SCAF1: variants seen among roughly 807,000 people sequenced by gnomAD.
SCAF1 encodes SR-related CTD associated factor 1, also known as splicing factor, arginine/serine-rich 19.
In SCAF1, 28 loss-of-function variants were observed where a neutral mutation model predicts 91.2. The observed-to-expected ratio is 0.31, with a 90% CI of 0.23 to 0.42. The LOEUF is 0.42. Ranked by LOEUF, SCAF1 falls within the 10% of genes least tolerant of loss-of-function variation. The probability of loss-of-function intolerance (pLI) is 1.00; values close to 1 mark genes in which losing one functional copy is unlikely to be tolerated. For synonymous variants in SCAF1, 1,036 were observed against 833.7 expected (o/e 1.24, Z -4.18); for missense variants, 1,893 against 1,872.1 (o/e 1.01, Z -0.21).
chr19:49,650,859 C>A lies in SCAF1; in HGVS notation c.479-9C>A. On this transcript the variant is annotated splice_polypyrimidine_tract_variant and intron_variant, in intron 6 of 10. Transcript: ENST00000360565. ...CCCTGACCGCCTCTCTCTCCCTGTT[C>A]CTTTGCAGTTTCTCCACAGTCGAAC... 1 of 1,604,898 alleles carries A rather than the reference C, an allele frequency of 6.2e-7. No individual in the cohort carries two copies. Among genetic ancestry groups the A allele is most frequent in the Non-Finnish European group, 8.5e-7 (1 of 1,175,134 alleles).
At chr19:49,654,243 C>A in intron 7 of SCAF1, 106 bp from the exon 8 acceptor site, 1 of 949,968 alleles carries the variant, frequency 1.1e-6, no homozygotes, top group Non-Finnish European at 1.6e-6. Flanking sequence ...TGTGGCTGTT[C>A]TGGGGCCAAG....
Position 49,652,393 on chromosome 19 carries a change from G to A in SCAF1, c.2004G>A (p.Pro668=), listed in dbSNP as rs2081102794. Residue 668 remains proline (P), a synonymous_variant, in exon 7 of 11, where the codon CCG becomes CCA. Transcript: ENST00000360565. The part of the protein sequence containing the change: ...GSEKAPAPAP[P]PSGSTSCGDR... The stretch of plus-strand genomic sequence containing the variant: ...AGAAGGCCCCGGCGCCCGCCCCGCC[G>A]CCCTCTGGCTCCACCTCGTGTGGTG... 3 of 1,573,644 alleles carry A rather than the reference G, an allele frequency of 1.9e-6. No homozygotes were observed. The highest frequency in any genetic ancestry group is 1.7e-6 in the Non-Finnish European group (2 of 1,163,636).
At position 49,651,289 on chromosome 19, in the gene SCAF1, C is replaced by T. The variant is rs977320249; in HGVS notation, c.900C>T (p.Thr300=). ...LSQSISRISE[T]LAGIYDDNSL... ...AGAGCATCAGCCGCATCTCGGAGAC[C>T]CTGGCGGGCATCTACGATGACAACA... The change falls in exon 7 of 11, where the codon ACC becomes ACT. Residue 300 remains threonine, a synonymous_variant. Transcript: ENST00000360565. 6.2e-7 allele frequency: 1 copy of T among 1,611,324 alleles called. No homozygotes were observed. The highest frequency in any genetic ancestry group is 1.3e-5 in the African/African-American group (1 of 74,710).
intron 9 of SCAF1, among the ~76,000 whole-genome samples, chr19:49,655,728 A>G (rs1029817374): frequency 2.3e-4 from 35 of 152,166 alleles, no homozygotes; most frequent in Non-Finnish European, 2.9e-5. Context: ...GCAGTGGCAC[A>G]GTCACAGCTC....
At chr19:49,647,116 G>T (rs768132374) in intron 6 of SCAF1, among the ~76,000 whole-genome samples, 30 of 152,224 alleles carry the variant, frequency 2.0e-4, no homozygotes, top group Non-Finnish European at 4.3e-4. Context: ...GGGACTCTTC[G>T]AATCTCTATC....
At chr19:49,641,278 G>A (rs2081024797), upstream of SCAF1, among the ~76,000 whole-genome samples, 1 of 152,190 alleles carries the variant, frequency 6.6e-6, no homozygotes, top group Non-Finnish European at 1.5e-5. Flanking sequence ...TACTGAACGA[G>A]GCGGCTATGG....
intron 6 of SCAF1, 115 bp from the exon 7 acceptor site, chr19:49,650,753 G>T: frequency 1.4e-6 from 1 of 739,582 alleles, no homozygotes; most frequent in Non-Finnish European, 2.2e-6. Context: ...TGAAGCACTT[G>T]GGGCTTCCTG....
chr19:49,651,962 C>T lies in SCAF1; in HGVS notation c.1573C>T (p.Arg525Cys). The T allele has an allele frequency of 8.3e-7, 1 of 1,197,982 alleles. No homozygotes were observed. The highest frequency in any genetic ancestry group is 1.0e-6 in the Non-Finnish European group (1 of 955,796). The allele number at this position is 1,197,982 out of a possible 1,614,324, so 74.2% of individuals were successfully genotyped here. A position where few individuals can be genotyped will look rare whatever the true frequency, so the allele number is the denominator to read the frequency against. The change falls in exon 7 of 11, where the codon CGC becomes TGC. Residue 525 changes from arginine (R) to cysteine (C), a missense_variant. Transcript: ENST00000360565. ...TRKKSRRERK[R>C]SGEAKEAASS... Reference sequence around the variant, plus strand: ...CAAGAAGTCCAGGCGGGAACGCAAGCGCAGCGGCGAGGCCAAGGAGGCCGC... The same window carrying T: ...CAAGAAGTCCAGGCGGGAACGCAAGTGCAGCGGCGAGGCCAAGGAGGCCGC...
intron 6 of SCAF1, among the ~76,000 whole-genome samples, chr19:49,649,617 T>C (rs932666486): frequency 9.2e-5 from 14 of 152,190 alleles, no homozygotes; most frequent in African/African-American, 2.4e-5. Flanking sequence ...TGCCTCAGCC[T>C]CCCGAGTAGT....
Position 49,654,340 on chromosome 19 carries a change from C to T in SCAF1, c.3317-9C>T, listed in dbSNP as rs761865442. The T allele has an allele frequency of 3.1e-6, 5 of 1,612,966 alleles. No individual in the cohort carries two copies. Among genetic ancestry groups the T allele is most frequent in the South Asian group, 2.2e-5 (2 of 90,992 alleles). On this transcript the variant is annotated splice_polypyrimidine_tract_variant and intron_variant, in intron 7 of 10. Coordinates refer to ENST00000360565, the MANE Select transcript of SCAF1 (RefSeq NM_021228.3). ...CATCTTCATGTTGTCACCTCTCTGC[C>T]TCCTGCAGTGACTGCACTTCTCTTC...
chr19:49,647,008 G>A (rs1175151387), intron 6 of SCAF1, among the ~76,000 whole-genome samples, 178 bp downstream of exon 6: 1 of 152,254 alleles, frequency 6.6e-6, no homozygotes, highest in Non-Finnish European at 1.5e-5. Context: ...AAAAACTGAT[G>A]TGCTGGGGCT....
At chr19:49,640,529 G>A (rs1487542362), upstream of SCAF1, among the ~76,000 whole-genome samples, 3 of 152,192 alleles carry the variant, frequency 2.0e-5, no homozygotes, top group African/African-American at 7.2e-5. Context: ...TAGTATGGTA[G>A]GCGGAGCTCG....
chr19:49,651,875 C>A lies in SCAF1; in HGVS notation c.1486C>A (p.Gln496Lys). Residue 496 changes from glutamine to lysine, a missense_variant, in exon 7 of 11, where the codon CAG (glutamine) becomes AAG (lysine). Transcript: ENST00000360565. ...ILTQRRERYR[Q>K]RSPSPAPAPA... is the part of the protein sequence containing the mutation. ...GACCCAACGGCGGGAGCGCTACCGC[C>A]AGCGCTCGCCCTCCCCGGCGCCCGC... 8.2e-7 allele frequency: 1 copy of A among 1,220,054 alleles called. No homozygotes were observed. The highest frequency in any genetic ancestry group is 2.1e-5 in the South Asian group (1 of 46,770). The allele number at this position is 1,220,054 out of a possible 1,614,324, so 75.6% of individuals were successfully genotyped here. A position where few individuals can be genotyped will look rare whatever the true frequency, so the allele number is the denominator to read the frequency against.
chr19:49,652,876 G>A lies in SCAF1; in HGVS notation c.2487G>A (p.Arg829=). ...SSSSSSSCSS[R]KVKLQSKVAV... ...CCTCGTCGTCCTCCTGTTCTTCCCG[G>A]AAGGTGAAGCTGCAGTCCAAGGTGG... Residue 829 remains arginine, a synonymous_variant, in exon 7 of 11, where the codon CGG becomes CGA. Transcript: ENST00000360565. 1 of 1,614,048 alleles carries A rather than the reference G, an allele frequency of 6.2e-7. No individual in the cohort carries two copies. The highest frequency in any genetic ancestry group is 8.5e-7 in the Non-Finnish European group (1 of 1,180,002).
intron 7 of SCAF1, 93 bp downstream of exon 7, chr19:49,653,798 A>G (rs2081121019): frequency 3.2e-6 from 4 of 1,252,818 alleles, no homozygotes; most frequent in South Asian, 3.3e-5. Context: ...GTGCCCTGGC[A>G]GGGAGAGGTT....
intron 1 of SCAF1, among the ~76,000 whole-genome samples, chr19:49,643,763 G>A (rs936519040): frequency 1.3e-5 from 2 of 152,202 alleles, no homozygotes; most frequent in Non-Finnish European, 2.9e-5. Context: ...CAGGAACTGG[G>A]GCTGAGCTTA....
At chr19:49,641,517 A>T (rs968339812), upstream of SCAF1, among the ~76,000 whole-genome samples, 1 of 152,070 alleles carries the variant, frequency 6.6e-6, no homozygotes, top group Non-Finnish European at 1.5e-5. Context: ...GGGTTTCACC[A>T]TGTTGGTCAG....
chr19:49,645,159 T>C lies in SCAF1; in HGVS notation c.108+25T>C, dbSNP rs1438466472. On this transcript the variant is annotated intron_variant, in intron 2 of 10. Coordinates refer to ENST00000360565, the MANE Select transcript of SCAF1 (RefSeq NM_021228.3). The surrounding 1 kb of genome is among the most constrained non-coding windows in gnomAD (Gnocchi z 4.6). ...GGTGAGGCTGCTGGGCTCCTGGCAC[T>C]GAGGGATGGAGGAGCTGGGCATCCA... is the stretch of plus-strand genomic sequence containing the variant. 12 of 1,599,830 alleles carry C rather than the reference T, an allele frequency of 7.5e-6. No individual in the cohort carries two copies. Among genetic ancestry groups the C allele is most frequent in the African/African-American group, 2.7e-5 (2 of 74,652 alleles).
chr19:49,640,707 C>T (rs1044244606), upstream of SCAF1, among the ~76,000 whole-genome samples: 7 of 152,174 alleles, frequency 4.6e-5, no homozygotes, highest in African/African-American at 1.7e-4. Flanking sequence ...TTCCCGCTGT[C>T]CCAGCCAAGC....
Sources: gnomAD v4.1 joint callset for allele counts (sites outside exome capture counted in the v4.1 genomes callset) on GRCh38, gnomAD v4.1.1 for gene constraint, Gnocchi (gnomAD v3.1) non-coding constraint, MANE v1.5 for transcripts, NCBI Gene and HGNC (gene_info 2026-07-23, HGNC 2026-07-21) for gene names.